LTBP2: variants seen among roughly 807,000 people sequenced by gnomAD.
LTBP2 encodes the protein latent-transforming growth factor beta-binding protein 2.
Under a neutral mutation model 210.6 loss-of-function variants are expected in LTBP2, and 103 were observed. The ratio of observed to expected loss-of-function variants is 0.49; its 90% CI spans 0.42 to 0.58. The LOEUF is 0.58. Among genes scored for constraint, LTBP2 ranks in the 20% least tolerant of loss-of-function variants. The pLI, the probability that LTBP2 is intolerant of heterozygous loss-of-function variation, is 0.00. For missense variants in LTBP2, 2,313 were observed against 2,494.5 expected, an observed-to-expected ratio of 0.93 and a Z score of 1.55; for synonymous variants, 1,007 against 1,015.0, an observed-to-expected ratio of 0.99 and a Z score of 0.15.
At chr14:74,526,020 G>A in intron 14 of LTBP2, 55 bp downstream of exon 14, 1 of 1,539,104 alleles carries the variant, frequency 6.5e-7, no homozygotes, top group East Asian at 2.4e-5. Flanking sequence ...TCCTGATTAA[G>A]GGCTCTTTCC....
In LTBP2 at chr14:74,582,397, T is replaced by TACAC. The variant is rs58985238; in HGVS notation, c.830+3453_830+3456dup. Among the ~76,000 whole-genome samples, 148 of 140,826 alleles carry TACAC rather than the reference T, an allele frequency of 1.1e-3. 2 individuals are homozygous for TACAC. Among genetic ancestry groups the TACAC allele is most frequent in the East Asian group, 7.5e-3 (35 of 4,640 alleles). The allele number at this position is 140,826 out of a possible 152,430, so 92.4% of individuals were successfully genotyped here. A position where few individuals can be genotyped will look rare whatever the true frequency, so the allele number is the denominator to read the frequency against. Reference sequence around the variant, plus strand: ...GTGTACATGCACACACACACATACATACACACACACACACACACACACACA... The same window carrying TACAC: ...GTGTACATGCACACACACACATACATACACACACACACACACACACACACACACA... On this transcript the variant is annotated intron_variant, in intron 3 of 35. Transcript: ENST00000261978.
intron 1 of LTBP2, among the ~76,000 whole-genome samples, chr14:74,609,309 C>T (rs939247286): frequency 5.3e-5 from 8 of 152,146 alleles, no homozygotes; most frequent in African/African-American, 1.9e-4. Flanking sequence ...GATGTGTGCA[C>T]CTGTGTACAG....
In LTBP2 at chr14:74,506,058, C is replaced by T. The variant is rs2086979214; in HGVS notation, c.4167G>A (p.Arg1389=). 2 of 1,614,030 alleles carry T rather than the reference C, an allele frequency of 1.2e-6. No homozygotes were observed. The highest frequency in any genetic ancestry group is 2.2e-5 in the South Asian group (2 of 91,092). ...YDAQEGHCRP[R]GAGGQSMSEA... is the part of the protein sequence containing the mutation. ...TCTCCCAGGCCTCACCTCCAGCCCC[C>T]CGTGGGCGGCAGTGCCCCTCCTGGG... The change falls in exon 28 of 36, where the codon CGG becomes CGA. Residue 1389 remains arginine, a synonymous_variant. Transcript: ENST00000261978.
Position 74,503,552 on chromosome 14 carries a change from TCC to T in LTBP2, c.4635_4636del (p.Glu1546GlyfsTer32). The T allele has an allele frequency of 6.2e-7, 1 of 1,613,854 alleles. No individual in the cohort carries two copies. The highest frequency in any genetic ancestry group is 1.6e-4 in the Middle Eastern group (1 of 6,062). On this transcript the variant is annotated frameshift_variant, in exon 32 of 36. Transcript: ENST00000261978. LOFTEE classifies it high-confidence loss of function. ...GCTGCAGAAGCAGTGGAAGGAGCCC[TCC>T]GTGTTGACGCACTCGCCATTCTCAC...
intron 8 of LTBP2, 122 bp from the exon 9 acceptor site, chr14:74,536,122 C>T (rs572319728): frequency 2.4e-5 from 19 of 804,568 alleles, no homozygotes; most frequent in South Asian, 8.6e-5. Context: ...CCCCAGCCCC[C>T]GAAGCCATCG....
intron 1 of LTBP2, 152 bp from the exon 2 acceptor site, chr14:74,603,857 T>C (rs1391103539): frequency 8.4e-6 from 6 of 715,944 alleles, no homozygotes; most frequent in South Asian, 7.4e-5. Context: ...AAATCTAAGA[T>C]TGAATCCTGA....
intron 35 of LTBP2, 142 bp downstream of exon 35, chr14:74,501,299 T>A: frequency 7.4e-7 from 1 of 1,350,972 alleles, no homozygotes; most frequent in South Asian, 1.2e-5. Flanking sequence ...TAATTAAACC[T>A]TCCTTTGGCG....
At chr14:74,528,886 C>T in intron 11 of LTBP2, 72 bp downstream of exon 11, 1 of 1,578,484 alleles carries the variant, frequency 6.3e-7, no homozygotes, top group Non-Finnish European at 8.6e-7. Flanking sequence ...GGAAGTCTAC[C>T]CAGGCCTGGC....
intron 3 of LTBP2, among the ~76,000 whole-genome samples, chr14:74,562,212 GA>G (rs990382285): frequency 2.1e-4 from 28 of 135,072 alleles, no homozygotes; most frequent in East Asian, 4.2e-4. Flanking sequence ...CTCCGTCTCA[GA>G]AAAAAAAAAA....
Position 74,603,412 on chromosome 14 carries a change from C to T in LTBP2, c.565+223G>A, listed in dbSNP as rs569357024. ...AAAGTGCTGGGATTACAGGCATGAG[C>T]CACCGCTCCCGGCCCCAGCTAGAGG... On this transcript the variant is annotated intron_variant, in intron 2 of 35. Transcript: ENST00000261978. Among the ~76,000 whole-genome samples the T allele has an allele frequency of 5.9e-5, 9 of 152,324 alleles. No homozygotes were observed. The South Asian group carries it at 1.7e-3, about 28-fold the overall frequency.
chr14:74,522,423 G>A (rs1258111878), intron 16 of LTBP2, among the ~76,000 whole-genome samples: 1 of 152,132 alleles, frequency 6.6e-6, no homozygotes, highest in Non-Finnish European at 1.5e-5. Flanking sequence ...CCCTACGGAT[G>A]ACCCTGGTGG....
chr14:74,504,876 G>A lies in LTBP2; in HGVS notation c.4370-15C>T, dbSNP rs200901008. 335 of 1,613,836 alleles carry A rather than the reference G, an allele frequency of 2.1e-4. 1 individual carries two copies. Among genetic ancestry groups the A allele is most frequent in the Middle Eastern group, 3.3e-4 (2 of 6,084 alleles). ...GCTGAATTCAGCTATGTAGAGAGGCGTTTCAGCTCAGAGTGGGGAGGGCCC... is the reference window on the plus strand; with the variant it reads ...GCTGAATTCAGCTATGTAGAGAGGCATTTCAGCTCAGAGTGGGGAGGGCCC... On this transcript the variant is annotated splice_polypyrimidine_tract_variant and intron_variant, in intron 29 of 35. Transcript: ENST00000261978.
intron 12 of LTBP2, among the ~76,000 whole-genome samples, chr14:74,528,018 T>C (rs1392456406): frequency 1.3e-5 from 2 of 152,186 alleles, no homozygotes; most frequent in African/African-American, 2.4e-5. Flanking sequence ...GAGAGCCTCA[T>C]ACCCAGCCTC....
intron 8 of LTBP2, among the ~76,000 whole-genome samples, chr14:74,544,472 C>T (rs1456010040): frequency 6.6e-6 from 1 of 152,144 alleles, no homozygotes; most frequent in Non-Finnish European, 1.5e-5. Flanking sequence ...GTGCCTGGCA[C>T]TTATAAGTAC....
Position 74,555,667 on chromosome 14 carries a change from TG to T in LTBP2, c.856del (p.His286ThrfsTer57). 1 of 1,562,094 alleles carries T rather than the reference TG, an allele frequency of 6.4e-7. No homozygotes were observed. The highest frequency in any genetic ancestry group is 8.7e-7 in the Non-Finnish European group (1 of 1,149,574). On this transcript the variant is annotated frameshift_variant, in exon 4 of 36. Coordinates refer to ENST00000261978, the MANE Select transcript of LTBP2 (RefSeq NM_000428.3). LOFTEE classifies it high-confidence loss of function. ...AGTLSGLSQT[H>X]PSQQHVGLSR... is the part of the protein sequence containing the mutation. ...CAACCCCACGTGCTGCTGGGAAGGG[TG>T]GGTCTGGCTGAGGCCACTCAGGGTC...
At chr14:74,562,371 A>G (rs1029583446) in intron 3 of LTBP2, among the ~76,000 whole-genome samples, 1 of 152,246 alleles carries the variant, frequency 6.6e-6, no homozygotes, top group Non-Finnish European at 1.5e-5. Context: ...AATGCCTATC[A>G]GGTGGCAGGT....
intron 17 of LTBP2, among the ~76,000 whole-genome samples, chr14:74,521,704 T>C (rs1399348743): frequency 6.6e-6 from 1 of 152,186 alleles, no homozygotes; most frequent in Non-Finnish European, 1.5e-5. Flanking sequence ...AGATTGCTGG[T>C]TTTTGGATTT....
chr14:74,561,776 C>T (rs974918373), intron 3 of LTBP2, among the ~76,000 whole-genome samples: 15 of 152,094 alleles, frequency 9.9e-5, no homozygotes, highest in African/African-American at 2.4e-4. Context: ...CTAGGACCCA[C>T]GATGGACTGT....
At chr14:74,527,587 G>GAT (rs1346384144) in intron 12 of LTBP2, among the ~76,000 whole-genome samples, 1 of 152,266 alleles carries the variant, frequency 6.6e-6, no homozygotes, top group African/African-American at 2.4e-5. Flanking sequence ...AGGGCCTGAA[G>GAT]ATAGCTTAGT....
Sources: gnomAD v4.1 joint callset for allele counts (sites outside exome capture counted in the v4.1 genomes callset) on GRCh38, gnomAD v4.1.1 for gene constraint, MANE v1.5 for transcripts, NCBI Gene and HGNC (gene_info 2026-07-23, HGNC 2026-07-21) for gene names.